The following TMEM132D variants were observed in gnomAD, a reference collection of about 807,000 sequenced individuals.
TMEM132D encodes the protein transmembrane protein 132D.
TMEM132D carries 21 observed loss-of-function variants against 62.3 expected under a neutral mutation model. The ratio of observed to expected loss-of-function variants is 0.34; its 90% CI spans 0.24 to 0.49. The LOEUF (loss-of-function observed/expected upper bound fraction) is 0.49, where lower values mean the gene tolerates loss of function less well. TMEM132D is among the 20% of genes least tolerant of loss of function. The pLI is 0.99. For synonymous variants in TMEM132D, 621 were observed against 575.6 expected (o/e 1.08, Z -1.13); for missense variants, 1,346 against 1,402.8 (o/e 0.96, Z 0.65).
At chr12:129,498,585 C>CA (rs1875033992) in intron 3 of TMEM132D, among the ~76,000 whole-genome samples, 1 of 152,158 alleles carries the variant, frequency 6.6e-6, no homozygotes, top group South Asian at 2.1e-4. Flanking sequence ...CTGTAATTTC[C>CA]AACATCTTTT....
chr12:129,230,521 G>T (rs1158243627), intron 4 of TMEM132D, among the ~76,000 whole-genome samples: 2 of 152,236 alleles, frequency 1.3e-5, no homozygotes, highest in Non-Finnish European at 1.5e-5. Flanking sequence ...TCAACTGTCT[G>T]AAACTACGGA....
rs141316369 is a variant in TMEM132D at position 129,570,276 on chromosome 12, G to T, written c.969-39071C>A. On this transcript the variant is annotated intron_variant, in intron 2 of 8. Coordinates refer to ENST00000422113, the MANE Select transcript of TMEM132D (RefSeq NM_133448.3). The stretch of plus-strand genomic sequence containing the variant: ...GTTGGTCAATTCCATAGCTCAATAA[G>T]GCTCTACTCTCAGGTTCTCCTCCTG... Among the ~76,000 whole-genome samples the T allele has an allele frequency of 6.1e-3, 923 of 152,294 alleles. 12 individuals carry two copies. The highest frequency in any genetic ancestry group is 0.021 in the African/African-American group (859 of 41,554).
At chr12:129,562,690 G>A (rs188495389) in intron 2 of TMEM132D, among the ~76,000 whole-genome samples, 4 of 152,256 alleles carry the variant, frequency 2.6e-5, no homozygotes, top group East Asian at 1.9e-4. Context: ...AAGACTGTGT[G>A]TGCAAGAACT....
chr12:129,807,735 A>G (rs564517160), intron 1 of TMEM132D, among the ~76,000 whole-genome samples: 9 of 152,310 alleles, frequency 5.9e-5, no homozygotes, highest in Admixed American at 3.3e-4. Context: ...GGTTCGGCCA[A>G]TCTAGATGGA....
intron 2 of TMEM132D, among the ~76,000 whole-genome samples, chr12:129,567,670 G>C (rs1409247577): frequency 6.6e-6 from 1 of 152,000 alleles, no homozygotes; most frequent in East Asian, 1.9e-4. Flanking sequence ...TTTCTTTTGG[G>C]GGGGATATAA....
chr12:129,414,100 C>A (rs1199315016), intron 3 of TMEM132D, among the ~76,000 whole-genome samples: 4 of 152,192 alleles, frequency 2.6e-5, no homozygotes, highest in Non-Finnish European at 4.4e-5. Flanking sequence ...CATGTGAGCA[C>A]CCTGCTGAAT....
At chr12:129,611,218 C>G (rs1057411862) in intron 2 of TMEM132D, among the ~76,000 whole-genome samples, 2 of 152,162 alleles carry the variant, frequency 1.3e-5, no homozygotes, top group African/African-American at 4.8e-5. Context: ...GAGGTAGGTA[C>G]TGTAGTGTCT....
At chr12:129,727,672 C>G (rs1256112233) in intron 1 of TMEM132D, among the ~76,000 whole-genome samples, 1 of 152,132 alleles carries the variant, frequency 6.6e-6, no homozygotes, top group Non-Finnish European at 1.5e-5. Context: ...ACTTTCATTG[C>G]TAAGATCCAG....
intron 2 of TMEM132D, among the ~76,000 whole-genome samples, chr12:129,587,085 G>A (rs1203362041): frequency 6.6e-6 from 1 of 152,008 alleles, no homozygotes; most frequent in East Asian, 1.9e-4. Flanking sequence ...TTCAGCTAGA[G>A]CAAAACATAT....
intron 1 of TMEM132D, among the ~76,000 whole-genome samples, chr12:129,825,772 C>T (rs61451716): frequency 0.11 from 16,735 of 152,074 alleles, 1,175 homozygotes; most frequent in Middle Eastern, 0.16. Flanking sequence ...CACTTTAAAG[C>T]GAGGGGTATA....
chr12:129,240,958 C>G (rs1879920805), intron 4 of TMEM132D, among the ~76,000 whole-genome samples: 1 of 152,050 alleles, frequency 6.6e-6, no homozygotes, highest in African/African-American at 2.4e-5. Context: ...TAGTCCAAAC[C>G]TTTCCCTCTA....
chr12:129,662,233 A>G (rs2137192603), intron 2 of TMEM132D, among the ~76,000 whole-genome samples: 1 of 152,338 alleles, frequency 6.6e-6, no homozygotes, highest in Middle Eastern at 3.4e-3. Context: ...TCTTTTTCAT[A>G]GTGAAGATAG....
At chr12:129,380,309 T>C (rs1370751275) in intron 3 of TMEM132D, among the ~76,000 whole-genome samples, 2 of 152,214 alleles carry the variant, frequency 1.3e-5, no homozygotes, top group Admixed American at 6.5e-5. Flanking sequence ...GGAAGTGATT[T>C]TAAAATGATC....
intron 1 of TMEM132D, among the ~76,000 whole-genome samples, chr12:129,835,321 T>C (rs1380089584): frequency 3.3e-5 from 5 of 152,148 alleles, no homozygotes; most frequent in Non-Finnish European, 7.3e-5. Context: ...GATAGGATCT[T>C]ACTTTGTCAC....
Position 129,867,151 on chromosome 12 carries a change from A to T in TMEM132D, c.79+36110T>A, listed in dbSNP as rs1874085536. 6.6e-6 allele frequency among the ~76,000 whole-genome samples: 1 copy of T among 152,024 alleles called. No individual in the cohort carries two copies. Reference sequence around the variant, plus strand: ...GGTATGTGCCTGTAGTCCTAGCTACATGGGAGGCTGAGGCAGGAGGATGGC... The same window carrying T: ...GGTATGTGCCTGTAGTCCTAGCTACTTGGGAGGCTGAGGCAGGAGGATGGC... On this transcript the variant is annotated intron_variant, in intron 1 of 8. Transcript: ENST00000422113. The surrounding 1 kb of genome is among the most constrained non-coding windows in gnomAD (Gnocchi z 4.5).
In TMEM132D at chr12:129,736,405, G is replaced by C. The variant is rs532943886; in HGVS notation, c.80-35707C>G. ...TTGCTCTTACCAAGTATTTTTATAAGCACCTTACACATAAAATAAAATGTC... is the reference window on the plus strand; with the variant it reads ...TTGCTCTTACCAAGTATTTTTATAACCACCTTACACATAAAATAAAATGTC... On this transcript the variant is annotated intron_variant, in intron 1 of 8. Coordinates refer to ENST00000422113, the MANE Select transcript of TMEM132D (RefSeq NM_133448.3). 6.8e-4 allele frequency among the ~76,000 whole-genome samples: 104 copies of C among 152,208 alleles called. 1 individual carries two copies. Among genetic ancestry groups the C allele is most frequent in the African/African-American group, 2.2e-3 (93 of 41,526 alleles).
chr12:129,370,139 T>G (rs934623993), intron 3 of TMEM132D, among the ~76,000 whole-genome samples: 3 of 152,216 alleles, frequency 2.0e-5, no homozygotes, highest in African/African-American at 7.2e-5. Flanking sequence ...AAAGCCTTGA[T>G]TTTTAAACAC....
Position 129,874,332 on chromosome 12 carries a change from C to T in TMEM132D, c.79+28929G>A, listed in dbSNP as rs1874344017. Among the ~76,000 whole-genome samples, 3 of 151,986 alleles carry T rather than the reference C, an allele frequency of 2.0e-5. No homozygotes were observed. The South Asian group carries it at 6.2e-4, about 32-fold the overall frequency. ...GGCTGAGGCAGGAGAATCACTTGAA[C>T]CTGGGAGGCGGAGACTGCAGTGAGC... On this transcript the variant is annotated intron_variant, in intron 1 of 8. Transcript: ENST00000422113.
chr12:129,891,604 CT>C (rs1190353819), intron 1 of TMEM132D, among the ~76,000 whole-genome samples: 1 of 152,142 alleles, frequency 6.6e-6, no homozygotes. Context: ...TCTCCTCATA[CT>C]TTTTTGGCCC....
Sources: allele counts gnomAD v4.1 joint callset (sites outside exome capture counted in the v4.1 genomes callset), GRCh38; gene constraint gnomAD v4.1.1; non-coding constraint Gnocchi (gnomAD v3.1); transcripts MANE v1.5; gene names NCBI Gene and HGNC (gene_info 2026-07-23, HGNC 2026-07-21).